Variants in ELP4 observed in about 807,000 individuals in gnomAD.
ELP4 encodes elongator acetyltransferase complex subunit 4.
A neutral mutation model predicts 48.9 loss-of-function variants in ELP4; 51 were observed. That is an observed-to-expected ratio of 1.04 (90% confidence interval 0.83 to 1.32). The LOEUF is 1.32. ELP4 is among the 40% of genes most tolerant of loss of function. ELP4 has a pLI of 0.00. For missense variants in ELP4, 519 were observed against 514.6 expected (o/e 1.01, Z -0.08); for synonymous variants, 210 against 189.2 (o/e 1.11, Z -0.90).
rs1947818250 is a variant in ELP4 at position 31,755,668 on chromosome 11, G to GT, written c.1144-27723dup. ...AAAGATGAGGAAAAATTGAGGAATT[G>GT]TTATAGACTAGAGGAGACTGTGGAG... On this transcript the variant is annotated intron_variant, in intron 9 of 9. Transcript: ENST00000640961. Among the ~76,000 whole-genome samples the GT allele has an allele frequency of 2.0e-5, 3 of 148,906 alleles. No individual in the cohort carries two copies. In the South Asian group the frequency reaches 6.3e-4, roughly 31 times the overall value.
intron 3 of ELP4, among the ~76,000 whole-genome samples, chr11:31,549,143 A>C (rs1327278407): frequency 1.7e-4 from 26 of 151,816 alleles, no homozygotes; most frequent in African/African-American, 5.3e-4. Context: ...AATGGGATCT[A>C]ATTAAACTAA....
intron 5 of ELP4, among the ~76,000 whole-genome samples, chr11:31,623,606 A>AT (rs1443223807): frequency 1.3e-5 from 2 of 150,444 alleles, no homozygotes; most frequent in East Asian, 3.9e-4. Context: ...AGAGGAATTT[A>AT]TTTTATTACT....
intron 5 of ELP4, among the ~76,000 whole-genome samples, chr11:31,611,130 T>G (rs142844175): frequency 2.0e-3 from 304 of 152,274 alleles, no homozygotes; most frequent in African/African-American, 7.0e-3. Flanking sequence ...TTGGCTCCTG[T>G]TTTTCTTCAA....
Position 31,650,182 on chromosome 11 carries a change from C to T in ELP4, c.1104C>T (p.Asp368=). The change falls in exon 9 of 10, where the codon GAC becomes GAT. Residue 368 remains aspartate, a synonymous_variant. Coordinates refer to ENST00000640961, the MANE Select transcript of ELP4 (RefSeq NM_019040.5). ...NLICDESDVK[D]LAFKLKRKLF... ...TCTGTGATGAATCAGATGTCAAAGA[C>T]TTAGCTTTTAAATTAAAAAGGAAGC... 1.3e-6 allele frequency: 2 copies of T among 1,509,150 alleles called. No individual in the cohort carries two copies. Among genetic ancestry groups the T allele is most frequent in the Non-Finnish European group, 1.8e-6 (2 of 1,095,410 alleles). 93.5% of individuals were successfully genotyped at this position (1,509,150 alleles called of 1,614,324 possible). A position where few individuals can be genotyped will look rare whatever the true frequency, so the allele number is the denominator to read the frequency against.
At chr11:31,735,801 A>G (rs7109827) in intron 9 of ELP4, among the ~76,000 whole-genome samples, 46,214 of 152,006 alleles carry the variant, frequency 0.3, 7,685 homozygotes, top group African/African-American at 0.44. Flanking sequence ...GGGAACTACA[A>G]ACCACTGCTC....
intron 9 of ELP4, among the ~76,000 whole-genome samples, chr11:31,739,555 T>TC (rs757580863): frequency 3.3e-5 from 5 of 152,174 alleles, no homozygotes; most frequent in Non-Finnish European, 5.9e-5. Context: ...TAAAGTACAA[T>TC]CTAGTACTCT....
At chr11:31,513,657 CCAAA>C (rs1361287943) in intron 1 of ELP4, among the ~76,000 whole-genome samples, 2 of 151,924 alleles carry the variant, frequency 1.3e-5, no homozygotes, top group Non-Finnish European at 2.9e-5. Flanking sequence ...CCTCATTTAC[CCAAA>C]ATGTATAGCT....
chr11:31,529,115 G>GAA (rs35149633), intron 2 of ELP4, among the ~76,000 whole-genome samples: 7 of 124,790 alleles, frequency 5.6e-5, no homozygotes, highest in South Asian at 2.5e-4. Context: ...GACTCCGTCT[G>GAA]AAAAAAAAAA....
intron 9 of ELP4, among the ~76,000 whole-genome samples, chr11:31,668,675 C>CGTGTGTGTGTGTGTGTGTGTGTGTGT (rs367795416): frequency 1.7e-5 from 2 of 121,040 alleles, no homozygotes; most frequent in Non-Finnish European, 3.4e-5. Context: ...CCTTTGGTAC[C>CGTGTGTGTGTGTGTGTGTGTGTGTGT]GTGTGTGTGT....
At chr11:31,547,424 A>C (rs1956750463) in intron 3 of ELP4, among the ~76,000 whole-genome samples, 1 of 152,224 alleles carries the variant, frequency 6.6e-6, no homozygotes, top group Non-Finnish European at 1.5e-5. Context: ...CACTCTCCCA[A>C]GACTAAACCA....
At chr11:31,640,174 A>G (rs1470842594) in intron 7 of ELP4, among the ~76,000 whole-genome samples, 1 of 151,888 alleles carries the variant, frequency 6.6e-6, no homozygotes, top group African/African-American at 2.4e-5. Context: ...CTTTTACATT[A>G]TTTTTATCAT....
At chr11:31,519,937 T>C in intron 1 of ELP4, 119 bp from the exon 2 acceptor site, 1 of 808,750 alleles carries the variant, frequency 1.2e-6, no homozygotes, top group Non-Finnish European at 2.0e-6. Flanking sequence ...AATTAAAATG[T>C]TGTTCACAAC....
At chr11:31,761,578 C>G (rs1402827011) in intron 9 of ELP4, among the ~76,000 whole-genome samples, 3 of 151,936 alleles carry the variant, frequency 2.0e-5, no homozygotes, top group African/African-American at 4.8e-5. Flanking sequence ...AAAAATGTAC[C>G]TTCTAATAGC....
chr11:31,695,163 G>C (rs1472437641), intron 9 of ELP4, among the ~76,000 whole-genome samples: 1 of 152,132 alleles, frequency 6.6e-6, no homozygotes, highest in Non-Finnish European at 1.5e-5. Flanking sequence ...TCTCCTGCCT[G>C]ATTGTCATGG....
At chr11:31,551,072 G>C (rs1956842079) in intron 3 of ELP4, among the ~76,000 whole-genome samples, 1 of 152,150 alleles carries the variant, frequency 6.6e-6, no homozygotes, top group South Asian at 2.1e-4. Context: ...TGAAAGCTCT[G>C]CTCTTTGCAA....
At chr11:31,518,711 A>G (rs1410435753) in intron 1 of ELP4, among the ~76,000 whole-genome samples, 2 of 151,374 alleles carry the variant, frequency 1.3e-5, no homozygotes, top group Non-Finnish European at 2.9e-5. Flanking sequence ...CCTTGGCAAC[A>G]TAGTGAAACC....
intron 2 of ELP4, among the ~76,000 whole-genome samples, chr11:31,526,686 C>A (rs1439808063): frequency 6.6e-6 from 1 of 152,036 alleles, no homozygotes; most frequent in Non-Finnish European, 1.5e-5. Context: ...CAGAGATATA[C>A]TGTGCCTTCT....
At chr11:31,760,342 T>G (rs1426054234) in intron 9 of ELP4, among the ~76,000 whole-genome samples, 2 of 152,206 alleles carry the variant, frequency 1.3e-5, no homozygotes, top group Non-Finnish European at 2.9e-5. Flanking sequence ...CTCCTATTTC[T>G]TCTTTCCTGT....
At chr11:31,524,014 C>T (rs1236271709) in intron 2 of ELP4, among the ~76,000 whole-genome samples, 1 of 151,844 alleles carries the variant, frequency 6.6e-6, no homozygotes, top group East Asian at 1.9e-4. Flanking sequence ...TAATAGGTGA[C>T]ATTTATCAAT....
Sources: allele counts gnomAD v4.1 joint callset (sites outside exome capture counted in the v4.1 genomes callset), GRCh38; gene constraint gnomAD v4.1.1; transcripts MANE v1.5; gene names NCBI Gene and HGNC (gene_info 2026-07-23, HGNC 2026-07-21).